The following ICA1L variants were observed in gnomAD, a reference collection of about 807,000 sequenced individuals.
The protein encoded by ICA1L is islet cell autoantigen 1 like.
In ICA1L, 50 loss-of-function variants were observed where a neutral mutation model predicts 61.3. The ratio of observed to expected loss-of-function variants is 0.82; its 90% CI spans 0.65 to 1.03. ICA1L has a LOEUF of 1.03. ICA1L is among the 50% of genes least tolerant of loss of function. The probability of loss-of-function intolerance (pLI) is 0.00; values close to 1 mark genes in which losing one functional copy is unlikely to be tolerated. For synonymous variants in ICA1L, 161 were observed against 191.3 expected (o/e 0.84, Z 1.31); for missense variants, 508 against 556.7 (o/e 0.91, Z 0.88).
intron 1 of ICA1L, among the ~76,000 whole-genome samples, chr2:202,839,589 TG>T (rs1694262609): frequency 6.8e-5 from 10 of 147,378 alleles, no homozygotes; most frequent in African/African-American, 2.5e-4. Context: ...TGTGTGTGTG[TG>T]TGTGTGTGTG....
At chr2:202,864,627 A>ATATGTGTGTGTGTGTG (rs1553539140) in intron 1 of ICA1L, among the ~76,000 whole-genome samples, 2 of 150,286 alleles carry the variant, frequency 1.3e-5, no homozygotes, top group Non-Finnish European at 3.0e-5. Flanking sequence ...GTATATATAT[A>ATATGTGTGTGTGTGTG]TGTGTGTGTG....
At chr2:202,787,138 G>A (rs1319568583) in intron 11 of ICA1L, among the ~76,000 whole-genome samples, 1 of 152,182 alleles carries the variant, frequency 6.6e-6, no homozygotes, top group Non-Finnish European at 1.5e-5. Flanking sequence ...CAAAGAGGCA[G>A]GGGCAGATTT....
intron 1 of ICA1L, among the ~76,000 whole-genome samples, chr2:202,853,642 G>T (rs913253339): frequency 6.6e-6 from 1 of 151,662 alleles, no homozygotes; most frequent in Non-Finnish European, 1.5e-5. Flanking sequence ...AATCTGCAAA[G>T]AACTCAAACA....
At chr2:202,867,650 G>A (rs1687555732) in intron 1 of ICA1L, among the ~76,000 whole-genome samples, 1 of 152,086 alleles carries the variant, frequency 6.6e-6, no homozygotes, top group South Asian at 2.1e-4. Context: ...ATTCATCAGG[G>A]AAACAAAAAT....
At position 202,862,272 on chromosome 2, in the gene ICA1L, C is replaced by CCAAAAAAAAAAAAAAA. The variant is rs1462555700; in HGVS notation, c.-8+9346_-8+9347insTTTTTTTTTTTTTTTG. Among the ~76,000 whole-genome samples, 5 of 62,978 alleles carry CCAAAAAAAAAAAAAAA rather than the reference C, an allele frequency of 7.9e-5. 2 individuals carry two copies. Among genetic ancestry groups the CCAAAAAAAAAAAAAAA allele is most frequent in the African/African-American group, 1.7e-4 (2 of 12,064 alleles). The allele number at this position is 62,978 out of a possible 152,430, so 41.3% of individuals were successfully genotyped here. A position where few individuals can be genotyped will look rare whatever the true frequency, so the allele number is the denominator to read the frequency against. On this transcript the variant is annotated intron_variant, in intron 1 of 12. Transcript: ENST00000358299. ...GCAACACAGTAAGACCTCATTTCTA[C>CCAAAAAAAAAAAAAAA]AAAAAAAAAAAAAAAAAAAAAAAAA...
intron 3 of ICA1L, among the ~76,000 whole-genome samples, chr2:202,822,696 A>G (rs1211666135): frequency 6.6e-6 from 1 of 152,180 alleles, no homozygotes; most frequent in East Asian, 1.9e-4. Flanking sequence ...ATCCCACTTC[A>G]CTGATAGAAA....
intron 9 of ICA1L, among the ~76,000 whole-genome samples, chr2:202,803,400 C>CAAAAAAAAAA: frequency 1.6e-5 from 1 of 60,658 alleles, no homozygotes; most frequent in Non-Finnish European, 3.1e-5. Context: ...GACTCGATCT[C>CAAAAAAAAAA]AAAAAAAAAA....
chr2:202,788,343 C>G (rs1010624249), intron 11 of ICA1L, among the ~76,000 whole-genome samples: 1 of 152,086 alleles, frequency 6.6e-6, no homozygotes, highest in Non-Finnish European at 1.5e-5. Context: ...ACAGAACTGA[C>G]AGGATTTGGT....
At chr2:202,802,124 TAATA>T (rs1441676011) in intron 9 of ICA1L, among the ~76,000 whole-genome samples, 2 of 152,110 alleles carry the variant, frequency 1.3e-5, no homozygotes, top group Non-Finnish European at 1.5e-5. Flanking sequence ...TTAGGCAAAT[TAATA>T]AAACAACAAA....
At chr2:202,866,766 T>C (rs940260473) in intron 1 of ICA1L, among the ~76,000 whole-genome samples, 1 of 152,068 alleles carries the variant, frequency 6.6e-6, no homozygotes, top group African/African-American at 2.4e-5. Flanking sequence ...GCCAATATGG[T>C]GAAACCCCGT....
chr2:202,861,996 T>C (rs556683301), intron 1 of ICA1L, among the ~76,000 whole-genome samples: 1 of 146,304 alleles, frequency 6.8e-6, no homozygotes, highest in Non-Finnish European at 1.5e-5. Context: ...TTGACATTTA[T>C]ACACCAGTCC....
Position 202,829,026 on chromosome 2 carries a change from A to G in ICA1L, c.-7-10T>C, listed in dbSNP as rs748526037. On this transcript the variant is annotated splice_polypyrimidine_tract_variant and intron_variant, in intron 1 of 12. Coordinates refer to ENST00000358299, the MANE Select transcript of ICA1L (RefSeq NM_001288622.3). ...GGAATCCATGGAGTGACTACAATGA[A>G]CAGACTAAAATTAAACTTCTTTTAA... The G allele has an allele frequency of 5.9e-6, 9 of 1,530,880 alleles. No individual in the cohort carries two copies. Among genetic ancestry groups the G allele is most frequent in the Non-Finnish European group, 7.9e-6 (9 of 1,145,272 alleles). 94.8% of individuals were successfully genotyped at this position (1,530,880 alleles called of 1,614,324 possible). A position where few individuals can be genotyped will look rare whatever the true frequency, so the allele number is the denominator to read the frequency against.
At chr2:202,787,953 C>G (rs1277023066) in intron 11 of ICA1L, among the ~76,000 whole-genome samples, 2 of 152,186 alleles carry the variant, frequency 1.3e-5, no homozygotes, top group African/African-American at 4.8e-5. Context: ...CGTCCAAGCT[C>G]CATTACTGAA....
At position 202,795,548 on chromosome 2, in the gene ICA1L, T is replaced by C. The variant is rs987999987; in HGVS notation, c.985+1342A>G. ...AGGCAGAGGTTGCAGTGAGCCAAGATTGCACCATTGCACTCCAGCCTGGGC... is the reference window on the plus strand; with the variant it reads ...AGGCAGAGGTTGCAGTGAGCCAAGACTGCACCATTGCACTCCAGCCTGGGC... On this transcript the variant is annotated intron_variant, in intron 10 of 12. Transcript: ENST00000358299. 1.5e-4 allele frequency among the ~76,000 whole-genome samples: 22 copies of C among 151,290 alleles called. 1 individual carries two copies. Among genetic ancestry groups the C allele is most frequent in the African/African-American group, 4.1e-4 (17 of 41,160 alleles).
At chr2:202,807,155 A>G (rs1428668193) in intron 9 of ICA1L, among the ~76,000 whole-genome samples, 1 of 152,186 alleles carries the variant, frequency 6.6e-6, no homozygotes, top group Non-Finnish European at 1.5e-5. Flanking sequence ...ACAACCAAAC[A>G]TCGGGTGAGA....
chr2:202,828,194 G>A (rs1488930131), intron 2 of ICA1L, among the ~76,000 whole-genome samples: 1 of 150,690 alleles, frequency 6.6e-6, no homozygotes, highest in Non-Finnish European at 1.5e-5. Context: ...AACCTAGAAG[G>A]CAGAGGTGGT....
intron 12 of ICA1L, among the ~76,000 whole-genome samples, chr2:202,784,119 A>G (rs914112130): frequency 1.3e-5 from 2 of 152,234 alleles, no homozygotes; most frequent in African/African-American, 2.4e-5. Context: ...TGTGAGCACC[A>G]GAATCAATAA....
rs191198404 is a variant in ICA1L, at chr2:202,796,308, T to A, written c.985+582A>T. Among the ~76,000 whole-genome samples the A allele has an allele frequency of 4.3e-3, 655 of 152,252 alleles. 6 individuals carry two copies. Among genetic ancestry groups the A allele is most frequent in the South Asian group, 0.015 (73 of 4,820 alleles). ...ACTGTATTTAAAAGCTTTAAAAAAA[T>A]TTTTTTAACTTAAAGAAATTTAAAG... On this transcript the variant is annotated intron_variant, in intron 10 of 12. Transcript: ENST00000358299.
chr2:202,795,079 T>C (rs934115620), intron 10 of ICA1L, among the ~76,000 whole-genome samples: 15 of 146,686 alleles, frequency 1.0e-4, no homozygotes, highest in South Asian at 8.6e-4. Context: ...TTTTCTTTTT[T>C]TTTTTTTTTT....
Sources: gnomAD v4.1 joint callset for allele counts (sites outside exome capture counted in the v4.1 genomes callset) on GRCh38, gnomAD v4.1.1 for gene constraint, MANE v1.5 for transcripts, NCBI Gene and HGNC (gene_info 2026-07-23, HGNC 2026-07-21) for gene names.